Variants in UBE2K observed in about 807,000 individuals in gnomAD.
The protein encoded by UBE2K is ubiquitin-conjugating enzyme E2 K.
A neutral mutation model predicts 30.0 loss-of-function variants in UBE2K; 6 were observed. The observed-to-expected ratio is 0.20, with a 90% CI of 0.11 to 0.39. The LOEUF (loss-of-function observed/expected upper bound fraction) is 0.39. Ranked by LOEUF, UBE2K falls within the 10% of genes least tolerant of loss-of-function variation. The pLI is 1.00. For missense variants in UBE2K, 61 were observed against 241.6 expected, an observed-to-expected ratio of 0.25 and a Z score of 4.96; for synonymous variants, 86 against 83.7, an observed-to-expected ratio of 1.03 and a Z score of -0.15.
In UBE2K at chr4:39,782,109, C is replaced by T. The variant is rs305112; in HGVS notation, c.*3675C>T. The stretch of plus-strand genomic sequence containing the variant: ...CTGTTACTGCTTCATTGGACTGATA[C>T]ACCCTCATGAACTTGCAATCACCTA... On this transcript the variant is annotated 3_prime_UTR_variant, in exon 7 of 7. Coordinates refer to ENST00000261427, the MANE Select transcript of UBE2K (RefSeq NM_005339.5). 0.8 allele frequency: 314,929 copies of T among 395,152 alleles called. 126,367 individuals are homozygous for T. The highest frequency in any genetic ancestry group is 0.92 in the East Asian group (25,737 of 27,942). The allele number at this position is 395,152 out of a possible 1,614,324, so 24.5% of individuals were successfully genotyped here. A position where few individuals can be genotyped will look rare whatever the true frequency, so the allele number is the denominator to read the frequency against.
intron 3 of UBE2K, among the ~76,000 whole-genome samples, chr4:39,747,633 T>A (rs1417320738): frequency 6.6e-6 from 1 of 152,160 alleles, no homozygotes; most frequent in Non-Finnish European, 1.5e-5. Context: ...TTTTGTTTTT[T>A]TGAGATGGAG....
intron 1 of UBE2K, among the ~76,000 whole-genome samples, chr4:39,728,372 GA>G (rs2109336961): frequency 6.6e-6 from 1 of 152,322 alleles, no homozygotes; most frequent in South Asian, 2.1e-4. Context: ...CAGTTTGGGA[GA>G]CTGAGGCGGG....
intron 4 of UBE2K, among the ~76,000 whole-genome samples, chr4:39,757,018 GTTTTTTGTTTTTTGT>G (rs1721565482): frequency 1.4e-5 from 1 of 72,120 alleles, no homozygotes; most frequent in Non-Finnish European, 2.7e-5. Flanking sequence ...TTTGTTTTTT[GTTTTTTGTTTTTTGT>G]TTTTTTTTTG....
intron 4 of UBE2K, among the ~76,000 whole-genome samples, chr4:39,774,325 C>T (rs1713146131): frequency 6.6e-6 from 1 of 150,842 alleles, no homozygotes; most frequent in African/African-American, 2.4e-5. Context: ...GAAAAAAGGC[C>T]GGGCGCAGGT....
chr4:39,758,980 A>G (rs1160801112), intron 4 of UBE2K, among the ~76,000 whole-genome samples: 1 of 152,190 alleles, frequency 6.6e-6, no homozygotes, highest in African/African-American at 2.4e-5. Flanking sequence ...CCAAAGACAC[A>G]TTAGATAAAA....
At chr4:39,743,210 T>G (rs1297052650) in intron 2 of UBE2K, among the ~76,000 whole-genome samples, 1 of 152,218 alleles carries the variant, frequency 6.6e-6, no homozygotes, top group African/African-American at 2.4e-5. Context: ...GTCTCTTGTT[T>G]GACTTTTTGA....
At chr4:39,716,104 C>G (rs986573700) in intron 1 of UBE2K, among the ~76,000 whole-genome samples, 3 of 152,222 alleles carry the variant, frequency 2.0e-5, no homozygotes, top group Admixed American at 6.5e-5. Flanking sequence ...TGATTTTCCT[C>G]TAACCTCTGT....
At chr4:39,740,120 T>C (rs1720612198) in intron 2 of UBE2K, among the ~76,000 whole-genome samples, 2 of 152,112 alleles carry the variant, frequency 1.3e-5, no homozygotes. Flanking sequence ...GCAGATGTTT[T>C]TATATAATAA....
chr4:39,698,409 G>A lies in UBE2K; in HGVS notation c.63+19G>A. The stretch of plus-strand genomic sequence containing the variant: ...CGAGGAGGTCAGAAATGAACTCCCG[G>A]ATATCCCCCACCTCTGCCTGGGGCG... On this transcript the variant is annotated intron_variant, in intron 1 of 6. Coordinates refer to ENST00000261427, the MANE Select transcript of UBE2K (RefSeq NM_005339.5). 6.2e-7 allele frequency: 1 copy of A among 1,604,670 alleles called. No homozygotes were observed. Among genetic ancestry groups the A allele is most frequent in the Non-Finnish European group, 8.5e-7 (1 of 1,175,796 alleles).
rs1315191306 is a variant in UBE2K, at chr4:39,779,845, A to T, written c.*1411A>T. On this transcript the variant is annotated 3_prime_UTR_variant, in exon 7 of 7. Coordinates refer to ENST00000261427, the MANE Select transcript of UBE2K (RefSeq NM_005339.5). ...AAGGCTGTATATTGAAAGTCATATT[A>T]TAAAAGGTTTGCTTTCTTTAAGTGT... 1 of 152,180 alleles carries T rather than the reference A, an allele frequency of 6.6e-6. No individual in the cohort carries two copies. Among genetic ancestry groups the T allele is most frequent in the Non-Finnish European group, 1.5e-5 (1 of 68,018 alleles). The allele number at this position is 152,180 out of a possible 1,614,324, so 9.4% of individuals were successfully genotyped here.
chr4:39,749,964 C>T (rs143318921), intron 3 of UBE2K, among the ~76,000 whole-genome samples: 78 of 152,204 alleles, frequency 5.1e-4, no homozygotes, highest in African/African-American at 1.7e-3. Flanking sequence ...TCTGGGAGGC[C>T]GAGGTGGGTG....
At chr4:39,776,098 GTATCA>G (rs1713270330) in intron 5 of UBE2K, among the ~76,000 whole-genome samples, 4 of 152,140 alleles carry the variant, frequency 2.6e-5, no homozygotes, top group Non-Finnish European at 5.9e-5. Context: ...GTAGGTGATG[GTATCA>G]TAGAATGATA....
At chr4:39,728,829 T>G (rs1222321886) in intron 1 of UBE2K, among the ~76,000 whole-genome samples, 2 of 147,096 alleles carry the variant, frequency 1.4e-5, no homozygotes, top group African/African-American at 5.0e-5. Flanking sequence ...TTTTTTTTGT[T>G]TTTTTTTTTT....
intron 3 of UBE2K, among the ~76,000 whole-genome samples, chr4:39,754,102 T>C (rs1262821625): frequency 1.3e-5 from 2 of 152,122 alleles, no homozygotes; most frequent in African/African-American, 4.8e-5. Context: ...AGCAGCATAG[T>C]GATGCAAATC....
At chr4:39,740,979 G>A (rs904019913) in intron 2 of UBE2K, among the ~76,000 whole-genome samples, 2 of 150,454 alleles carry the variant, frequency 1.3e-5, no homozygotes, top group Admixed American at 1.3e-4. Flanking sequence ...TCATTTAAAA[G>A]TGCTTATATC....
At chr4:39,699,830 G>A (rs1371972276) in intron 1 of UBE2K, among the ~76,000 whole-genome samples, 1 of 152,168 alleles carries the variant, frequency 6.6e-6, no homozygotes, top group Admixed American at 6.6e-5. Flanking sequence ...TACAGAGCAT[G>A]TGTATGAACT....
chr4:39,739,704 C>T (rs1274112270), intron 2 of UBE2K, among the ~76,000 whole-genome samples: 2 of 152,152 alleles, frequency 1.3e-5, no homozygotes, highest in African/African-American at 2.4e-5. Flanking sequence ...CTCAGCCTCC[C>T]AAAGTGCTGA....
chr4:39,780,200 TTTTC>T lies in UBE2K; in HGVS notation c.*1770_*1773del, dbSNP rs757651589. The T allele has an allele frequency of 6.6e-6, 1 of 152,206 alleles. No individual in the cohort carries two copies. The highest frequency in any genetic ancestry group is 1.5e-5 in the Non-Finnish European group (1 of 68,010). 9.4% of individuals were successfully genotyped at this position (152,206 alleles called of 1,614,324 possible). ...CTAAAGATGCCAAAGGAAACAAGAT[TTTTC>T]TTTATTTATTTTAAATACCTGAAAC... On this transcript the variant is annotated 3_prime_UTR_variant, in exon 7 of 7. Transcript: ENST00000261427.
intron 1 of UBE2K, among the ~76,000 whole-genome samples, chr4:39,705,184 C>T (rs1414018003): frequency 2.0e-5 from 3 of 147,298 alleles, no homozygotes; most frequent in African/African-American, 7.5e-5. Context: ...GCATGAGCCA[C>T]TGCACCTGGG....
Sources: allele counts gnomAD v4.1 joint callset (sites outside exome capture counted in the v4.1 genomes callset), GRCh38; gene constraint gnomAD v4.1.1; transcripts MANE v1.5; gene names NCBI Gene and HGNC (gene_info 2026-07-23, HGNC 2026-07-21).